Variants in ENTREP2 observed in about 807,000 individuals in gnomAD.
ENTREP2 encodes the protein protein ENTREP2.
the ENTREP2 span, among the ~76,000 whole-genome samples, chr15:29,642,753 T>C: frequency 1.5e-4 from 23 of 151,898 alleles, no homozygotes; most frequent in Admixed American, 3.9e-4. Context: ...GCTGGGACTG[T>C]AGGCACACGC....
the ENTREP2 span, among the ~76,000 whole-genome samples, chr15:29,509,049 A>G: frequency 1.3e-5 from 2 of 152,252 alleles, no homozygotes; most frequent in Admixed American, 1.3e-4. Flanking sequence ...TAACTTCAGC[A>G]AAGTCTCAGG....
At chr15:29,511,828 A>C in the ENTREP2 span, among the ~76,000 whole-genome samples, 2 of 145,512 alleles carry the variant, frequency 1.4e-5, no homozygotes, top group African/African-American at 5.1e-5. Context: ...GATGCCAACA[A>C]CTGTAAGGCA....
At chr15:29,257,997 G>A in the ENTREP2 span, among the ~76,000 whole-genome samples, 1 of 151,988 alleles carries the variant, frequency 6.6e-6, no homozygotes, top group Non-Finnish European at 1.5e-5. Flanking sequence ...GAATCATGAG[G>A]TCAGGAGATC....
chr15:29,292,361 T>A, the ENTREP2 span, among the ~76,000 whole-genome samples: 2 of 151,866 alleles, frequency 1.3e-5, no homozygotes, highest in African/African-American at 2.4e-5. Flanking sequence ...CCTTCCTTCC[T>A]TCCTTCTTTC....
At chr15:29,171,527 C>T in the ENTREP2 span, among the ~76,000 whole-genome samples, 1 of 151,922 alleles carries the variant, frequency 6.6e-6, no homozygotes, top group African/African-American at 2.4e-5. Flanking sequence ...CCCTCCTGCC[C>T]CCAGCAAGAA....
the ENTREP2 span, among the ~76,000 whole-genome samples, chr15:29,203,735 T>A: frequency 6.6e-6 from 1 of 152,204 alleles, no homozygotes; most frequent in South Asian, 2.1e-4. Context: ...TTGATCTATA[T>A]CCTCTTTGGC....
At chr15:29,437,286 G>GA in the ENTREP2 span, among the ~76,000 whole-genome samples, 124 of 150,930 alleles carry the variant, frequency 8.2e-4, no homozygotes, top group East Asian at 6.0e-3. Context: ...CACATTTAAA[G>GA]AAAAAAAACA....
the ENTREP2 span, among the ~76,000 whole-genome samples, chr15:29,388,140 G>A: frequency 4.6e-5 from 7 of 152,144 alleles, no homozygotes; most frequent in Admixed American, 6.5e-5. Flanking sequence ...AAACTAAAGA[G>A]CTTCTGCACA....
the ENTREP2 span, among the ~76,000 whole-genome samples, chr15:29,647,497 C>A: frequency 6.6e-6 from 1 of 152,118 alleles, no homozygotes; most frequent in Non-Finnish European, 1.5e-5. Flanking sequence ...CACTTACAGG[C>A]AAATGTACTG....
the ENTREP2 span, among the ~76,000 whole-genome samples, chr15:29,542,593 G>C: frequency 2.0e-5 from 3 of 152,122 alleles, no homozygotes; most frequent in Non-Finnish European, 4.4e-5. Context: ...CGTGAGCCAC[G>C]GCGCCCGGCC....
chr15:29,254,446 T>C, the ENTREP2 span, among the ~76,000 whole-genome samples: 1 of 152,230 alleles, frequency 6.6e-6, no homozygotes, highest in Non-Finnish European at 1.5e-5. Flanking sequence ...TCAGCATTCC[T>C]GATTGCTTAT....
At chr15:29,368,367 A>G in the ENTREP2 span, among the ~76,000 whole-genome samples, 1 of 151,204 alleles carries the variant, frequency 6.6e-6, no homozygotes, top group Non-Finnish European at 1.5e-5. Context: ...GCTCACATAT[A>G]CATCTCATAC....
At chr15:29,439,310 C>T in the ENTREP2 span, among the ~76,000 whole-genome samples, 5 of 149,582 alleles carry the variant, frequency 3.3e-5, no homozygotes, top group Non-Finnish European at 7.4e-5. Context: ...CACACACACA[C>T]ACACACACAC....
At chr15:29,126,544 G>T in the ENTREP2 span, 3 of 1,463,932 alleles carry the variant, frequency 2.0e-6, no homozygotes, top group Non-Finnish European at 2.8e-6. Context: ...GGACGCTGGC[G>T]TGGGACAGGC....
chr15:29,512,158 C>T, the ENTREP2 span, among the ~76,000 whole-genome samples: 18 of 151,986 alleles, frequency 1.2e-4, no homozygotes, highest in African/African-American at 4.4e-4. Flanking sequence ...GAAACTAAAG[C>T]TTTGTGGCCT....
chr15:29,149,990 C>T, the ENTREP2 span, among the ~76,000 whole-genome samples: 1 of 152,232 alleles, frequency 6.6e-6, no homozygotes, highest in African/African-American at 2.4e-5. Flanking sequence ...CCTGCCTTTC[C>T]CTTGCACAGT....
chr15:29,151,270 C>T, the ENTREP2 span, among the ~76,000 whole-genome samples: 1 of 152,146 alleles, frequency 6.6e-6, no homozygotes, highest in East Asian at 1.9e-4. Context: ...AGTGACTGGC[C>T]TCTGGAGTAT....
the ENTREP2 span, among the ~76,000 whole-genome samples, chr15:29,380,796 T>C: frequency 5.9e-4 from 90 of 152,040 alleles, no homozygotes; most frequent in Admixed American, 1.2e-3. Flanking sequence ...TACATATGCA[T>C]GTATAGTGCA....
At chr15:29,178,293 TA>T in the ENTREP2 span, among the ~76,000 whole-genome samples, 1,911 of 111,268 alleles carry the variant, frequency 0.017, 10 homozygotes, top group African/African-American at 0.029. Flanking sequence ...GAACCTGTCT[TA>T]AAAAAAAAAA....
Sources: allele counts gnomAD v4.1 joint callset (sites outside exome capture counted in the v4.1 genomes callset), GRCh38; gene constraint gnomAD v4.1.1; transcripts MANE v1.5; gene names NCBI Gene and HGNC (gene_info 2026-07-23, HGNC 2026-07-21).